IPO4: variants seen among roughly 807,000 people sequenced by gnomAD.
IPO4 encodes importin 4, also known as importin-4.
Under a neutral mutation model 133.5 loss-of-function variants are expected in IPO4, and 91 were observed. That is an observed-to-expected ratio of 0.68 (90% CI 0.58 to 0.81). The LOEUF is 0.81. IPO4 is among the 30% of genes least tolerant of loss of function. The pLI is 0.00. For synonymous variants in IPO4, 607 were observed against 581.6 expected, an observed-to-expected ratio of 1.04 and a Z score of -0.63; for missense variants, 1,279 against 1,386.2, an observed-to-expected ratio of 0.92 and a Z score of 1.23.
At position 24,180,478 on chromosome 14, in the gene IPO4, CTTGT is replaced by C. The variant is rs2039114058; in HGVS notation, c.3206_3209del (p.Asp1069GlyfsTer63). 2 of 1,613,548 alleles carry C rather than the reference CTTGT, an allele frequency of 1.2e-6. No individual in the cohort carries two copies. The highest frequency in any genetic ancestry group is 2.7e-5 in the African/African-American group (2 of 74,922). On this transcript the variant is annotated frameshift_variant, in exon 30 of 30. Coordinates refer to ENST00000354464, the MANE Select transcript of IPO4 (RefSeq NM_024658.4). LOFTEE classifies it high-confidence loss of function. ...CCAGTACAGCCTGGAGCTCCTGAGC[CTTGT>C]CAACAGGCAGTGAGCCCAGAGCTGC... is the stretch of plus-strand genomic sequence containing the variant.
In IPO4 at chr14:24,183,904, G is replaced by A; in HGVS notation, c.1870-6C>T. The A allele has an allele frequency of 6.2e-7, 1 of 1,613,962 alleles. No individual in the cohort carries two copies. The highest frequency in any genetic ancestry group is 8.5e-7 in the Non-Finnish European group (1 of 1,180,024). On this transcript the variant is annotated splice_polypyrimidine_tract_variant and splice_region_variant and intron_variant, in intron 18 of 29. Transcript: ENST00000354464. ...CTGCTCCCGTCATACTGAGGCTGGA[G>A]CGGAGGCACGGCAAGGACTTTGGCT...
chr14:24,182,318 G>A lies in IPO4; in HGVS notation c.2558C>T (p.Pro853Leu). ...TAATGGCAGGAAACCGGCAAAGAAT[G>A]GGGCAAAGGAGTCTCCCCCAGCCGC... ...AAAAGGDSFA[P>L]FFAGFLPLLV... is the part of the protein sequence containing the mutation. The change falls in exon 25 of 30, where the codon CCA becomes CTA. Residue 853 changes from proline (P) to leucine (L), a missense_variant. Physicochemically the swap from Pro to Leu is moderately conservative, Grantham distance 98. This residue lies in a region of IPO4 where 575 missense variants were observed against 653.4 expected (regional missense o/e 0.88). Transcript: ENST00000354464. 10 of 1,613,978 alleles carry A rather than the reference G, an allele frequency of 6.2e-6. 1 individual carries two copies. Among genetic ancestry groups the A allele is most frequent in the Middle Eastern group, 3.3e-4 (2 of 6,062 alleles).
Position 24,186,111 on chromosome 14 carries a change from G to A in IPO4, c.1059+18C>T, listed in dbSNP as rs2039218647. On this transcript the variant is annotated intron_variant, in intron 11 of 29. Coordinates refer to ENST00000354464, the MANE Select transcript of IPO4 (RefSeq NM_024658.4). The stretch of plus-strand genomic sequence containing the variant: ...ACACTTGGAGGTAGGGACACCAGAA[G>A]GACAGAGCCACACTTACCAGCTGGG... 1.2e-6 allele frequency: 2 copies of A among 1,613,660 alleles called. No homozygotes were observed. The highest frequency in any genetic ancestry group is 1.7e-6 in the Non-Finnish European group (2 of 1,179,804).
Position 24,181,751 on chromosome 14 carries a change from C to A in IPO4, c.2900G>T (p.Arg967Leu). The A allele has an allele frequency of 1.2e-6, 2 of 1,601,156 alleles. No individual in the cohort carries two copies. The highest frequency in any genetic ancestry group is 8.5e-7 in the Non-Finnish European group (1 of 1,171,900). ...CCTGGTGGGACTGGCCATCAACAGGCGGGCAAGTGCCCCACAGATGTTGTC... is the reference window on the plus strand; with the variant it reads ...CCTGGTGGGACTGGCCATCAACAGGAGGGCAAGTGCCCCACAGATGTTGTC... ...VRDNICGALA[R>L]LLMASPTRKP... The change falls in exon 27 of 30, where the codon CGC becomes CTC. Residue 967 changes from arginine (R) to leucine (L), a missense_variant. Physicochemically the swap from Arg to Leu is moderately radical, Grantham distance 102. Transcript: ENST00000354464.
At position 24,182,341 on chromosome 14, in the gene IPO4, C is replaced by T. The variant is rs374946858; in HGVS notation, c.2535G>A (p.Ala845=). The change falls in exon 25 of 30, where the codon GCG becomes GCA. Residue 845 remains alanine (A), a synonymous_variant. Transcript: ENST00000354464. ...ATGGGGCAAAGGAGTCTCCCCCAGC[C>T]GCGGCTGCCAGGGCAGGGATGGCCT... ...AGEAIPALAA[A]AGGDSFAPFF... The T allele has an allele frequency of 1.4e-4, 228 of 1,613,742 alleles. No individual in the cohort carries two copies. The highest frequency in any genetic ancestry group is 1.8e-4 in the Non-Finnish European group (207 of 1,179,918).
At chr14:24,183,750 T>A (rs777174237) in intron 19 of IPO4, 33 bp downstream of exon 19, 2 of 1,614,184 alleles carry the variant, frequency 1.2e-6, no homozygotes, top group East Asian at 4.5e-5. Flanking sequence ...AGCCAAAGTC[T>A]AGATTCCTGA....
intron 24 of IPO4, 97 bp from the exon 25 acceptor site, chr14:24,182,500 C>G: frequency 6.6e-7 from 1 of 1,514,958 alleles, no homozygotes; most frequent in African/African-American, 1.4e-5. Flanking sequence ...GTCCCTGGGG[C>G]TGCCCTTGGT....
rs1480111808 is a variant in IPO4 at position 24,180,716 on chromosome 14, T to C, written c.3088A>G (p.Ile1030Val). The C allele has an allele frequency of 1.2e-6, 2 of 1,614,006 alleles. No homozygotes were observed. The highest frequency in any genetic ancestry group is 1.3e-5 in the African/African-American group (1 of 74,942). ...APELLRICSL[I>V]LADNKIPPDT... ...GGTGGGATCTTGTTGTCAGCCAGAA[T>C]GAGGCTGCAGATACGCAGAAGCTCG... The change falls in exon 29 of 30, where the codon ATT (isoleucine) becomes GTT (valine). Residue 1030 changes from isoleucine to valine, a missense_variant. Ile to Val is a conservative substitution (Grantham distance 29). Transcript: ENST00000354464.
At position 24,187,120 on chromosome 14, in the gene IPO4, T is replaced by C; in HGVS notation, c.619A>G (p.Ile207Val). 1 of 1,613,978 alleles carries C rather than the reference T, an allele frequency of 6.2e-7. No homozygotes were observed. Among genetic ancestry groups the C allele is most frequent in the Non-Finnish European group, 8.5e-7 (1 of 1,179,908 alleles). ...GGGATCAGAGTCTGCATGGCCATGA[T>C]CAGCTTGGGCACCAACATCCGAGCG... ...PLARMLVPKLIMAMQTLIPID... is the reference protein window; with the variant it reads ...PLARMLVPKLVMAMQTLIPID... Residue 207 changes from isoleucine to valine, a missense_variant, in exon 7 of 30, where the codon ATC (isoleucine) becomes GTC (valine). Ile to Val is a conservative substitution (Grantham distance 29, BLOSUM62 3). Coordinates refer to ENST00000354464, the MANE Select transcript of IPO4 (RefSeq NM_024658.4).
chr14:24,183,972 G>GGGCCCCCCCCCCCCCCC, intron 18 of IPO4, 26 bp downstream of exon 18: 1 of 1,573,296 alleles, frequency 6.4e-7, no homozygotes, highest in East Asian at 2.3e-5. Flanking sequence ...GGCAGGCCTG[G>GGGCCCCCCCCCCCCCCC]CCCAGCCCAC....
Position 24,183,440 on chromosome 14 carries a change from C to A in IPO4, c.2121+16G>T. On this transcript the variant is annotated intron_variant, in intron 21 of 29. Transcript: ENST00000354464. ...AGCCTGAGAACCCCACCCACTCCACCCGCCGGCCCGCTCACCTCCAGCAGT... is the reference window on the plus strand; with the variant it reads ...AGCCTGAGAACCCCACCCACTCCACACGCCGGCCCGCTCACCTCCAGCAGT... 6.2e-7 allele frequency: 1 copy of A among 1,606,068 alleles called. No individual in the cohort carries two copies. The highest frequency in any genetic ancestry group is 1.1e-5 in the South Asian group (1 of 90,018).
intron 28 of IPO4, 28 bp from the exon 29 acceptor site, chr14:24,180,786 G>A: frequency 1.2e-6 from 2 of 1,607,988 alleles, no homozygotes; most frequent in South Asian, 2.2e-5. Context: ...CTGACTCAGG[G>A]CAGCAGCCCC....
At chr14:24,185,765 C>T (rs935329263) in intron 12 of IPO4, 96 bp downstream of exon 12, 13 of 1,052,528 alleles carry the variant, frequency 1.2e-5, no homozygotes, top group East Asian at 7.2e-5. Context: ...TGGGGGGAAA[C>T]GCTGTTGATA....
chr14:24,185,187 GTTCTCCACAAAA>G lies in IPO4; in HGVS notation c.1392_1403del (p.Phe465_Asn468del). ...GCTCCCCACTGCCATCACTACCTAG[GTTCTCCACAAAA>G]TTCTCCAGGGCATAGCAGGCCTTGG... On this transcript the variant is annotated inframe_deletion, in exon 14 of 30. Coordinates refer to ENST00000354464, the MANE Select transcript of IPO4 (RefSeq NM_024658.4). 1 of 1,613,972 alleles carries G rather than the reference GTTCTCCACAAAA, an allele frequency of 6.2e-7. No homozygotes were observed. The highest frequency in any genetic ancestry group is 8.5e-7 in the Non-Finnish European group (1 of 1,179,958).
rs2039193239 is a variant in IPO4, at chr14:24,184,679, T to A, written c.1607A>T (p.Asp536Val). Residue 536 changes from aspartate (D) to valine (V), a missense_variant, in exon 16 of 30, where the codon GAC becomes GTC. Transcript: ENST00000354464. ...LREFLLTGRE[D>V]LQPVQIQSLE... ...GCTCTGGATCTGCACAGGCTGAAGG[T>A]CCTCACGGCCTGTTAACAGGAATTC... 6.2e-7 allele frequency: 1 copy of A among 1,610,064 alleles called. No homozygotes were observed. The highest frequency in any genetic ancestry group is 1.3e-5 in the African/African-American group (1 of 74,846).
intron 17 of IPO4, 66 bp downstream of exon 17, chr14:24,184,232 A>G: frequency 7.1e-6 from 11 of 1,558,756 alleles, no homozygotes; most frequent in Admixed American, 1.9e-5. Context: ...TGGGGATTCC[A>G]GTGGGTCCAG....
rs771337977 is a variant in IPO4 at position 24,187,800 on chromosome 14, CA to C, written c.279-5del. 1 of 1,614,094 alleles carries C rather than the reference CA, an allele frequency of 6.2e-7. No homozygotes were observed. Among genetic ancestry groups the C allele is most frequent in the East Asian group, 2.2e-5 (1 of 44,874 alleles). ...CAGGCTGAGGCTCACACAGTGCCTG[CA>C]AACAGGAGAGATCTCCTCCAATCAC... On this transcript the variant is annotated splice_region_variant and splice_polypyrimidine_tract_variant and intron_variant, in intron 4 of 29. Transcript: ENST00000354464.
At position 24,186,800 on chromosome 14, in the gene IPO4, A is replaced by G; in HGVS notation, c.757-9T>C. 1 of 1,613,928 alleles carries G rather than the reference A, an allele frequency of 6.2e-7. No individual in the cohort carries two copies. Among genetic ancestry groups the G allele is most frequent in the South Asian group, 1.1e-5 (1 of 91,084 alleles). On this transcript the variant is annotated splice_polypyrimidine_tract_variant and intron_variant, in intron 8 of 29. Transcript: ENST00000354464. ...GCCACATTTCTAGCTACCTGTCCAC[A>G]GAATAATAAAAATCAGCGACAGGGA...
Position 24,183,782 on chromosome 14 carries a change from C to T in IPO4, c.1985+1G>A, listed in dbSNP as rs2039177381. 1 of 1,614,048 alleles carries T rather than the reference C, an allele frequency of 6.2e-7. No individual in the cohort carries two copies. The highest frequency in any genetic ancestry group is 1.3e-5 in the African/African-American group (1 of 74,928). ...CTGATCAGAAGAGCACCCCTCCGCA[C>T]CCTGAGATCTCTGAGTCATCCTCTT... On this transcript the variant is annotated splice_donor_variant, in intron 19 of 29. Transcript: ENST00000354464. LOFTEE classifies it high-confidence loss of function.
Sources: allele counts gnomAD v4.1 joint callset, GRCh38; gene constraint gnomAD v4.1.1; regional missense constraint gnomAD v4.1.1; transcripts MANE v1.5; gene names NCBI Gene and HGNC (gene_info 2026-07-23, HGNC 2026-07-21).